Variants in DRG2 observed in about 807,000 individuals in gnomAD.
The protein encoded by DRG2 is developmentally regulated GTP binding protein 2.
In DRG2, 36 loss-of-function variants were observed where a neutral mutation model predicts 53.4. That is an observed-to-expected ratio of 0.67 (90% CI 0.52 to 0.89). The LOEUF (loss-of-function observed/expected upper bound fraction) is 0.89. DRG2 is among the 40% of genes least tolerant of loss of function. DRG2 has a pLI of 0.00. For synonymous variants in DRG2, 167 were observed against 192.1 expected (o/e 0.87, Z 1.08); for missense variants, 342 against 481.2 (o/e 0.71, Z 2.71).
Position 18,099,921 on chromosome 17 carries a change from A to T in DRG2, c.467+198A>T. 1 of 627,664 alleles carries T rather than the reference A, an allele frequency of 1.6e-6. No individual in the cohort carries two copies. Among genetic ancestry groups the T allele is most frequent in the Middle Eastern group, 4.3e-4 (1 of 2,314 alleles). The allele number at this position is 627,664 out of a possible 1,614,324, so 38.9% of individuals were successfully genotyped here. ...GCTTGTGTCCAGCCAGCACAGAGGT[A>T]TCTTGGGACTGGGGGCCGAGGGGCT... is the stretch of plus-strand genomic sequence containing the variant. On this transcript the variant is annotated intron_variant, in intron 5 of 12. Transcript: ENST00000225729. This position sits in a 1 kb window ranked among gnomAD's most constrained non-coding sequence, Gnocchi z 4.4.
rs1409168697 is a variant in DRG2 at position 18,099,624 on chromosome 17, C to T, written c.377-9C>T. 4 of 1,599,384 alleles carry T rather than the reference C, an allele frequency of 2.5e-6. No individual in the cohort carries two copies. The East Asian group carries it at 6.8e-5, about 27-fold the overall frequency. On this transcript the variant is annotated splice_polypyrimidine_tract_variant and intron_variant, in intron 4 of 12. Transcript: ENST00000225729. The surrounding 1 kb of genome is among the most constrained non-coding windows in gnomAD (Gnocchi z 4.4). ...CACATATGTAACTGCATCCCTCACA[C>T]CCATCCAGGAAAAGGCCGTGGCCGG...
rs2045471870 is a variant in DRG2, at chr17:18,098,497, C to CA, written c.315+139dup. 2 of 722,410 alleles carry CA rather than the reference C, an allele frequency of 2.8e-6. No homozygotes were observed. Among genetic ancestry groups the CA allele is most frequent in the South Asian group, 3.3e-5 (2 of 60,110 alleles). The allele number at this position is 722,410 out of a possible 1,614,324, so 44.8% of individuals were successfully genotyped here. ...CTCTGGACTGAGCTGCTTTGCCCTC[C>CA]AGCACTGACACTTCTGGGGATCCTA... On this transcript the variant is annotated intron_variant, in intron 3 of 12. Coordinates refer to ENST00000225729, the MANE Select transcript of DRG2 (RefSeq NM_001388.5). This position sits in a 1 kb window ranked among gnomAD's most constrained non-coding sequence, Gnocchi z 4.1.
Position 18,104,678 on chromosome 17 carries a change from C to T in DRG2, c.951C>T (p.His317=), listed in dbSNP as rs758090299. Residue 317 remains histidine, a synonymous_variant, in exon 11 of 13, where the codon CAC becomes CAT. Coordinates refer to ENST00000225729, the MANE Select transcript of DRG2 (RefSeq NM_001388.5). Reference sequence around the variant, plus strand: ...TCCGGAAAGGGGCCTCAGTGGAGCACGTGGTGAGTTGACAAGACCTGCCGT... The same window carrying T: ...TCCGGAAAGGGGCCTCAGTGGAGCATGTGGTGAGTTGACAAGACCTGCCGT... ...IILRKGASVE[H]VCHRIHRSLA... is the part of the protein sequence containing the mutation. The T allele has an allele frequency of 1.2e-5, 19 of 1,613,678 alleles. No homozygotes were observed. Among genetic ancestry groups the T allele is most frequent in the Admixed American group, 5.0e-5 (3 of 60,000 alleles).
chr17:18,099,261 G>C lies in DRG2; in HGVS notation c.376+184G>C. On this transcript the variant is annotated intron_variant, in intron 4 of 12. Transcript: ENST00000225729. The surrounding 1 kb of genome is among the most constrained non-coding windows in gnomAD (Gnocchi z 4.4). The stretch of plus-strand genomic sequence containing the variant: ...CCTTGTGATCTTGGGCAAGTGATTG[G>C]GTATCTCTAAGCCAAGCCTCAGTTT... The C allele has an allele frequency of 1.4e-6, 1 of 719,638 alleles. No individual in the cohort carries two copies. Among genetic ancestry groups the C allele is most frequent in the Non-Finnish European group, 2.3e-6 (1 of 438,556 alleles). The allele number at this position is 719,638 out of a possible 1,614,324, so 44.6% of individuals were successfully genotyped here. A position where few individuals can be genotyped will look rare whatever the true frequency, so the allele number is the denominator to read the frequency against.
At chr17:18,089,008 C>T (rs988686125) in intron 1 of DRG2, among the ~76,000 whole-genome samples, 1 of 152,166 alleles carries the variant, frequency 6.6e-6, no homozygotes, top group Admixed American at 6.5e-5. Flanking sequence ...TAGTGGCTAG[C>T]CATTCAGGCT....
chr17:18,107,312 A>G lies in DRG2; in HGVS notation c.*72A>G, dbSNP rs1166902768. On this transcript the variant is annotated 3_prime_UTR_variant, in exon 13 of 13. Coordinates refer to ENST00000225729, the MANE Select transcript of DRG2 (RefSeq NM_001388.5). Reference sequence around the variant, plus strand: ...GGTGGTCCCACTGGGACACACAAACACCCAAACAGAAAAATACAAATACAC... The same window carrying G: ...GGTGGTCCCACTGGGACACACAAACGCCCAAACAGAAAAATACAAATACAC... 14 of 1,444,636 alleles carry G rather than the reference A, an allele frequency of 9.7e-6. No homozygotes were observed. The Admixed American group carries it at 1.4e-4, about 15-fold the overall frequency. The allele number at this position is 1,444,636 out of a possible 1,614,324, so 89.5% of individuals were successfully genotyped here. A position where few individuals can be genotyped will look rare whatever the true frequency, so the allele number is the denominator to read the frequency against.
intron 2 of DRG2, among the ~76,000 whole-genome samples, chr17:18,094,702 C>T (rs769501849): frequency 3.3e-5 from 5 of 151,954 alleles, no homozygotes; most frequent in African/African-American, 7.2e-5. Flanking sequence ...CGGCCGGGCG[C>T]GGTGGCTCAC....
At chr17:18,092,033 C>A (rs946607340) in intron 1 of DRG2, 1 of 152,120 alleles carries the variant, frequency 6.6e-6, no homozygotes, top group Non-Finnish European at 1.5e-5. Context: ...GCAGGGGAGG[C>A]CTCTTTGAAG....
chr17:18,099,613 C>T lies in DRG2; in HGVS notation c.377-20C>T. On this transcript the variant is annotated intron_variant, in intron 4 of 12. Coordinates refer to ENST00000225729, the MANE Select transcript of DRG2 (RefSeq NM_001388.5). The surrounding 1 kb of genome is among the most constrained non-coding windows in gnomAD (Gnocchi z 4.4). ...TCACATGGGTCCACATATGTAACTG[C>T]ATCCCTCACACCCATCCAGGAAAAG... The T allele has an allele frequency of 6.3e-7, 1 of 1,591,944 alleles. No individual in the cohort carries two copies. The highest frequency in any genetic ancestry group is 1.7e-4 in the Middle Eastern group (1 of 6,040).
Position 18,104,008 on chromosome 17 carries a change from A to C in DRG2, c.895+119A>C, listed in dbSNP as rs2045583863. 8 of 930,672 alleles carry C rather than the reference A, an allele frequency of 8.6e-6. No homozygotes were observed. In the South Asian group the frequency reaches 8.7e-5, roughly 10 times the overall value. The allele number at this position is 930,672 out of a possible 1,614,324, so 57.7% of individuals were successfully genotyped here. ...GCTCTGGCCTGGCTTGTCTAGACAC[A>C]CCTCAGCTCTTTTCCCTTCTCAGCA... On this transcript the variant is annotated intron_variant, in intron 10 of 12. Transcript: ENST00000225729.
chr17:18,100,436 G>A lies in DRG2; in HGVS notation c.540+1G>A. ...GCACAAGCCTAACATCTACTTCAAG[G>A]TGAGGCACCTCTCTGGCCTTCAGGC... On this transcript the variant is annotated splice_donor_variant, in intron 6 of 12. Coordinates refer to ENST00000225729, the MANE Select transcript of DRG2 (RefSeq NM_001388.5). LOFTEE classifies it high-confidence loss of function. This position sits in a 1 kb window ranked among gnomAD's most constrained non-coding sequence, Gnocchi z 4.1. 2 of 1,614,254 alleles carry A rather than the reference G, an allele frequency of 1.2e-6. No homozygotes were observed. The highest frequency in any genetic ancestry group is 1.7e-6 in the Non-Finnish European group (2 of 1,180,050).
In DRG2 at chr17:18,100,707, G is replaced by T; in HGVS notation, c.631+48G>T. The T allele has an allele frequency of 6.4e-7, 1 of 1,555,096 alleles. No homozygotes were observed. The highest frequency in any genetic ancestry group is 1.4e-5 in the African/African-American group (1 of 73,474). On this transcript the variant is annotated intron_variant, in intron 7 of 12. Transcript: ENST00000225729. The surrounding 1 kb of genome is among the most constrained non-coding windows in gnomAD (Gnocchi z 4.1). ...TGAAGGAGGGCAGCCACCACCGTCA[G>T]CGCAGCGGGGGGACTGACTAAGACA...
At position 18,098,723 on chromosome 17, in the gene DRG2, G is replaced by A. The variant is rs546992768; in HGVS notation, c.316-294G>A. 7.2e-5 allele frequency among the ~76,000 whole-genome samples: 11 copies of A among 152,352 alleles called. No homozygotes were observed. Among genetic ancestry groups the A allele is most frequent in the African/African-American group, 2.6e-4 (11 of 41,590 alleles). ...TGTGTTTGCTTTGGGCAGCTGAGTG[G>A]TATGGCCTTAAGTTCCCATGGTGAA... On this transcript the variant is annotated intron_variant, in intron 3 of 12. Coordinates refer to ENST00000225729, the MANE Select transcript of DRG2 (RefSeq NM_001388.5). This position sits in a 1 kb window ranked among gnomAD's most constrained non-coding sequence, Gnocchi z 4.1.
chr17:18,107,424 C>T lies in DRG2; in HGVS notation c.*184C>T, dbSNP rs1191953041. 5 of 636,226 alleles carry T rather than the reference C, an allele frequency of 7.9e-6. No individual in the cohort carries two copies. Among genetic ancestry groups the T allele is most frequent in the South Asian group, 3.7e-5 (2 of 53,928 alleles). 39.4% of individuals were successfully genotyped at this position (636,226 alleles called of 1,614,324 possible). ...CGAAGAGTGTGTTGGGGCAAAGGGG[C>T]TCGGTTGGAGGCATTTCCCATAAGA... is the stretch of plus-strand genomic sequence containing the variant. On this transcript the variant is annotated 3_prime_UTR_variant, in exon 13 of 13. Transcript: ENST00000225729.
intron 11 of DRG2, chr17:18,106,205 C>T: frequency 1.7e-6 from 1 of 578,136 alleles, no homozygotes. Flanking sequence ...CTATGCACCA[C>T]AGCTGGCAGA....
chr17:18,106,324 G>A (rs1041324569), intron 11 of DRG2, 109 bp from the exon 12 acceptor site: 133 of 1,258,634 alleles, frequency 1.1e-4, no homozygotes, highest in South Asian at 2.1e-4. Context: ...CACCTGCCGC[G>A]GGAACTCCTG....
At chr17:18,101,299 T>G (rs2045530608) in intron 7 of DRG2, among the ~76,000 whole-genome samples, 194 bp from the exon 8 acceptor site, 1 of 152,198 alleles carries the variant, frequency 6.6e-6, no homozygotes, top group Non-Finnish European at 1.5e-5. Context: ...TGATTGAAAC[T>G]TTTATATATT....
intron 1 of DRG2, among the ~76,000 whole-genome samples, chr17:18,088,854 CTGGTTG>C (rs1184292836): frequency 6.6e-6 from 1 of 152,134 alleles, no homozygotes; most frequent in Non-Finnish European, 1.5e-5. Flanking sequence ...GGGACTTGAG[CTGGTTG>C]TTGGAAGGGT....
chr17:18,098,961 G>T lies in DRG2; in HGVS notation c.316-56G>T. The T allele has an allele frequency of 1.2e-6, 2 of 1,600,414 alleles. No individual in the cohort carries two copies. Among genetic ancestry groups the T allele is most frequent in the South Asian group, 2.2e-5 (2 of 90,600 alleles). Reference sequence around the variant, plus strand: ...TTCCAGATGTCCCAGATCCAGACAGGACCTTTCCAGTGGAGGCCCAGCCTT... The same window carrying T: ...TTCCAGATGTCCCAGATCCAGACAGTACCTTTCCAGTGGAGGCCCAGCCTT... On this transcript the variant is annotated intron_variant, in intron 3 of 12. Transcript: ENST00000225729. The surrounding 1 kb of genome is among the most constrained non-coding windows in gnomAD (Gnocchi z 4.1).
Sources: allele counts gnomAD v4.1 joint callset (sites outside exome capture counted in the v4.1 genomes callset), GRCh38; gene constraint gnomAD v4.1.1; non-coding constraint Gnocchi (gnomAD v3.1); transcripts MANE v1.5; gene names NCBI Gene and HGNC (gene_info 2026-07-23, HGNC 2026-07-21).